Variants in MAML3 observed in about 807,000 individuals in gnomAD.
The protein encoded by MAML3 is mastermind-like protein 3.
MAML3 carries 27 observed loss-of-function variants against 101.9 expected under a neutral mutation model. The ratio of observed to expected loss-of-function variants is 0.27; its 90% CI spans 0.20 to 0.37. The LOEUF (loss-of-function observed/expected upper bound fraction) is 0.37, where lower values mean the gene tolerates loss of function less well. Among genes scored for constraint, MAML3 ranks in the 10% least tolerant of loss-of-function variants. The pLI, the probability that MAML3 is intolerant of heterozygous loss-of-function variation, is 1.00. For synonymous variants in MAML3, 501 were observed against 555.9 expected (o/e 0.90, Z 1.39); for missense variants, 1,316 against 1,444.9 (o/e 0.91, Z 1.45).
chr4:139,787,092 G>A (rs1181522912), intron 2 of MAML3, among the ~76,000 whole-genome samples: 1 of 152,188 alleles, frequency 6.6e-6, no homozygotes, highest in Non-Finnish European at 1.5e-5. Context: ...GAGCCTTTTT[G>A]TTCAGCTTTC....
chr4:139,883,239 A>G (rs756473490), intron 2 of MAML3, among the ~76,000 whole-genome samples: 30 of 152,196 alleles, frequency 2.0e-4, no homozygotes, highest in Non-Finnish European at 3.5e-4. Context: ...AGAAAAGGAA[A>G]CATGAGAAAA....
At chr4:139,943,864 C>CCTTTTTTTTTTTTTTTTTTT (rs1733652525) in intron 1 of MAML3, among the ~76,000 whole-genome samples, 4 of 65,824 alleles carry the variant, frequency 6.1e-5, no homozygotes, top group Admixed American at 2.0e-4. Flanking sequence ...CTAAAGACAA[C>CCTTTTTTTTTTTTTTTTTTT]TTTTTTTTTT....
intron 1 of MAML3, among the ~76,000 whole-genome samples, chr4:139,902,176 T>C (rs1732734778): frequency 6.6e-6 from 1 of 152,196 alleles, no homozygotes; most frequent in Non-Finnish European, 1.5e-5. Flanking sequence ...GCTACCCTCC[T>C]GGAAGAGAAT....
chr4:139,727,925 CTG>C (rs1194751895), intron 3 of MAML3, among the ~76,000 whole-genome samples: 1 of 152,144 alleles, frequency 6.6e-6, no homozygotes, highest in African/African-American at 2.4e-5. Context: ...AAACGAAAAA[CTG>C]AGAGCTGGCC....
chr4:139,870,136 T>C (rs1218464734), intron 2 of MAML3, among the ~76,000 whole-genome samples: 5 of 152,260 alleles, frequency 3.3e-5, no homozygotes, highest in Non-Finnish European at 1.5e-5. Context: ...ATATGTACCT[T>C]ACTGTGGATC....
chr4:140,072,917 T>C (rs1727689098), intron 1 of MAML3, among the ~76,000 whole-genome samples: 1 of 152,082 alleles, frequency 6.6e-6, no homozygotes, highest in Admixed American at 6.6e-5. Flanking sequence ...ACACAGAAGA[T>C]GTAAAAAGAA....
intron 1 of MAML3, among the ~76,000 whole-genome samples, chr4:140,083,925 C>T (rs948179820): frequency 1.4e-5 from 2 of 145,514 alleles, no homozygotes; most frequent in African/African-American, 5.2e-5. Context: ...TTGAAACACA[C>T]ACGCGCGCAC....
chr4:139,912,649 C>A (rs568900119), intron 1 of MAML3, among the ~76,000 whole-genome samples: 1 of 151,830 alleles, frequency 6.6e-6, no homozygotes, highest in South Asian at 2.1e-4. Context: ...TCTTATAAGA[C>A]GACAGCCATG....
chr4:139,948,769 T>C (rs2110753652), intron 1 of MAML3, among the ~76,000 whole-genome samples: 1 of 152,312 alleles, frequency 6.6e-6, no homozygotes, highest in Non-Finnish European at 1.5e-5. Flanking sequence ...TACATGACAC[T>C]ATGTATGGAC....
intron 2 of MAML3, among the ~76,000 whole-genome samples, chr4:139,796,173 C>T (rs1336374609): frequency 3.3e-5 from 5 of 152,072 alleles, no homozygotes; most frequent in Admixed American, 1.3e-4. Context: ...GGATCAGATT[C>T]GTTATGCTTT....
In MAML3 at chr4:139,890,010, G is replaced by T; in HGVS notation, c.1426C>A (p.Gln476Lys). ...EQLKQMAAQQ[Q>K]QRAKLMQQKQ... ...TGCTGCATGAGTTTGGCCCTTTGTT[G>T]CTGCTGTGCAGCCATCTGTTTGAGC... is the stretch of plus-strand genomic sequence containing the variant. The change falls in exon 2 of 5, where the codon CAA becomes AAA. Residue 476 changes from glutamine (Q) to lysine (K), a missense_variant. Transcript: ENST00000509479. The surrounding 1 kb of genome is among the most constrained non-coding windows in gnomAD (Gnocchi z 4.1). 1 of 1,610,646 alleles carries T rather than the reference G, an allele frequency of 6.2e-7. No homozygotes were observed. The highest frequency in any genetic ancestry group is 1.7e-4 in the Middle Eastern group (1 of 6,048).
At chr4:140,134,427 T>C (rs1025987272) in intron 1 of MAML3, 10 of 456,296 alleles carry the variant, frequency 2.2e-5, no homozygotes, top group Non-Finnish European at 4.0e-5. Flanking sequence ...CAACCCTGAA[T>C]GCTACAGCAA....
In MAML3 at chr4:139,795,459, G is replaced by A. The variant is rs148387867; in HGVS notation, c.2080-64792C>T. Among the ~76,000 whole-genome samples the A allele has an allele frequency of 3.3e-3, 509 of 152,280 alleles. 1 individual carries two copies. Among genetic ancestry groups the A allele is most frequent in the Non-Finnish European group, 5.4e-3 (367 of 68,020 alleles). ...TGAGTGTTAAGGGTGAAATTAGAAT[G>A]GTTTAATATTTGGAGGCAATTTCCT... On this transcript the variant is annotated intron_variant, in intron 2 of 4. Transcript: ENST00000509479.
At chr4:140,016,659 G>T (rs1004977585) in intron 1 of MAML3, among the ~76,000 whole-genome samples, 1 of 152,072 alleles carries the variant, frequency 6.6e-6, no homozygotes, top group African/African-American at 2.4e-5. Flanking sequence ...ATTTATTTTT[G>T]ACAGTTGCAA....
At chr4:139,907,426 A>G (rs1732839965) in intron 1 of MAML3, among the ~76,000 whole-genome samples, 1 of 152,226 alleles carries the variant, frequency 6.6e-6, no homozygotes, top group Admixed American at 6.5e-5. Flanking sequence ...GTAGTTACCA[A>G]ATAAGATCCT....
At chr4:139,757,434 G>A (rs1482535245) in intron 2 of MAML3, among the ~76,000 whole-genome samples, 3 of 152,034 alleles carry the variant, frequency 2.0e-5, no homozygotes. Flanking sequence ...TGGATCACCT[G>A]AGGTCAGGAG....
rs141302827 is a variant in MAML3, at chr4:140,069,957, A to T, written c.468+82903T>A. ...ATGGTGAAACCCTGTCTCTACTAAAAATACAAAAATTAGCTAGGTGTGGTG... is the reference window on the plus strand; with the variant it reads ...ATGGTGAAACCCTGTCTCTACTAAATATACAAAAATTAGCTAGGTGTGGTG... On this transcript the variant is annotated intron_variant, in intron 1 of 4. Transcript: ENST00000509479. Among the ~76,000 whole-genome samples the T allele has an allele frequency of 2.7e-3, 406 of 152,126 alleles. 17 individuals carry two copies. In the East Asian group the frequency reaches 0.07, roughly 26 times the overall value.
At chr4:139,883,842 G>T (rs976531575) in intron 2 of MAML3, among the ~76,000 whole-genome samples, 3 of 150,730 alleles carry the variant, frequency 2.0e-5, no homozygotes, top group Middle Eastern at 3.4e-3. Flanking sequence ...ACTGAAAAAA[G>T]GGGTTCCAGG....
intron 1 of MAML3, among the ~76,000 whole-genome samples, chr4:140,106,204 G>C (rs1728349775): frequency 6.7e-6 from 1 of 150,194 alleles, no homozygotes; most frequent in Admixed American, 6.6e-5. Context: ...TCCATTTCCT[G>C]TTTTTCCAAA....
Sources: allele counts gnomAD v4.1 joint callset (sites outside exome capture counted in the v4.1 genomes callset), GRCh38; gene constraint gnomAD v4.1.1; non-coding constraint Gnocchi (gnomAD v3.1); transcripts MANE v1.5; gene names NCBI Gene and HGNC (gene_info 2026-07-23, HGNC 2026-07-21).